Variants in CKAP5 observed in about 807,000 individuals in gnomAD.
CKAP5 encodes cytoskeleton associated protein 5.
Under a neutral mutation model 232.8 loss-of-function variants are expected in CKAP5, and 27 were observed. The observed-to-expected ratio is 0.12, with a 90% CI of 0.09 to 0.16. The LOEUF is 0.16. CKAP5 is among the 10% of genes least tolerant of loss of function. The pLI is 1.00. For missense variants in CKAP5, 1,838 were observed against 2,424.7 expected, an observed-to-expected ratio of 0.76 and a Z score of 5.08; for synonymous variants, 785 against 841.1, an observed-to-expected ratio of 0.93 and a Z score of 1.16.
At chr11:46,840,331 G>A (rs899485828) in intron 1 of CKAP5, among the ~76,000 whole-genome samples, 1 of 152,108 alleles carries the variant, frequency 6.6e-6, no homozygotes, top group African/African-American at 2.4e-5. Context: ...CAGGGCCTTT[G>A]TCTTTTTCTG....
In CKAP5 at chr11:46,770,817, T is replaced by C; in HGVS notation, c.3157A>G (p.Lys1053Glu). The C allele has an allele frequency of 6.2e-7, 1 of 1,614,098 alleles. No homozygotes were observed. Among genetic ancestry groups the C allele is most frequent in the Non-Finnish European group, 8.5e-7 (1 of 1,180,024 alleles). Residue 1053 changes from lysine to glutamate, a missense_variant, in exon 25 of 44, where the codon AAA becomes GAA. Transcript: ENST00000529230. ...PFFMMHLGYE[K>E]MAKATGKLKP... Reference sequence around the variant, plus strand: ...AGTTTCCCAGTAGCCTTGGCCATTTTTTCATATCCTAAATGCATCATGAAG... The same window carrying C: ...AGTTTCCCAGTAGCCTTGGCCATTTCTTCATATCCTAAATGCATCATGAAG...
chr11:46,752,183 TATATATATATACACAC>T (rs1387239274), intron 38 of CKAP5, among the ~76,000 whole-genome samples: 1 of 65,662 alleles, frequency 1.5e-5, no homozygotes, highest in African/African-American at 4.6e-5. Flanking sequence ...TATATATATA[TATATATATATACACAC>T]ACACACACAC....
chr11:46,785,539 G>A (rs1296162076), intron 16 of CKAP5, among the ~76,000 whole-genome samples: 7 of 152,078 alleles, frequency 4.6e-5, no homozygotes, highest in African/African-American at 7.2e-5. Context: ...CATGTTGGCC[G>A]GGCTGGTCTC....
intron 42 of CKAP5, among the ~76,000 whole-genome samples, chr11:46,748,355 A>G (rs1468333982): frequency 6.6e-6 from 1 of 152,206 alleles, no homozygotes; most frequent in Non-Finnish European, 1.5e-5. Context: ...AGTGTGGATG[A>G]ATTCTGCATA....
chr11:46,755,085 A>T lies in CKAP5; in HGVS notation c.4690-18T>A. ...TCATCGATCTGATAACAAAAATTTC[A>T]AGATATATTTTCCAAGCTTCATACT... On this transcript the variant is annotated intron_variant, in intron 35 of 43. Coordinates refer to ENST00000529230, the MANE Select transcript of CKAP5 (RefSeq NM_001008938.4). 1 of 1,580,542 alleles carries T rather than the reference A, an allele frequency of 6.3e-7. No homozygotes were observed. The highest frequency in any genetic ancestry group is 8.6e-7 in the Non-Finnish European group (1 of 1,164,456).
chr11:46,743,317 T>A lies in CKAP5; in HGVS notation c.*706A>T, dbSNP rs754639325. On this transcript the variant is annotated 3_prime_UTR_variant, in exon 44 of 44. Transcript: ENST00000529230. ...ACCAAAATCTCAAAACAAGGAAGGA[T>A]GAGATTTTTCTGCTCCCTAGGAGCT... 3 of 152,120 alleles carry A rather than the reference T, an allele frequency of 2.0e-5. No homozygotes were observed. Among genetic ancestry groups the A allele is most frequent in the Non-Finnish European group, 4.4e-5 (3 of 68,016 alleles). 9.4% of individuals were successfully genotyped at this position (152,120 alleles called of 1,614,324 possible).
intron 24 of CKAP5, among the ~76,000 whole-genome samples, chr11:46,773,231 T>C (rs935333740): frequency 3.3e-5 from 5 of 152,128 alleles, no homozygotes; most frequent in African/African-American, 1.2e-4. Context: ...ATGATTACTC[T>C]GATGGATTTT....
Position 46,816,405 on chromosome 11 carries a change from C to A in CKAP5, c.252-1G>T. The stretch of plus-strand genomic sequence containing the variant: ...ACCTGACACAACTTCTCCTGTGGTT[C>A]TGTAACATATTATAAAGAACAAAAA... On this transcript the variant is annotated splice_acceptor_variant, in intron 3 of 43. Transcript: ENST00000529230. LOFTEE classifies it high-confidence loss of function. 6.2e-7 allele frequency: 1 copy of A among 1,613,058 alleles called. No individual in the cohort carries two copies. Among genetic ancestry groups the A allele is most frequent in the South Asian group, 1.1e-5 (1 of 90,968 alleles).
At position 46,751,253 on chromosome 11, in the gene CKAP5, G is replaced by T. The variant is rs891124851; in HGVS notation, c.5325C>A (p.Ile1775=). ...TGTCGATCATCGTTAGGTGGTCCAG[G>T]ATCTGAGGGAGACACATGCATGACT... ...HTLCKLKGPK[I]LDHLTMIDNK... is the part of the protein sequence containing the mutation. The change falls in exon 40 of 44, where the codon ATC becomes ATA. Residue 1775 remains isoleucine (I), a splice_region_variant and synonymous_variant. Coordinates refer to ENST00000529230, the MANE Select transcript of CKAP5 (RefSeq NM_001008938.4). 9.9e-6 allele frequency: 16 copies of T among 1,614,046 alleles called. No individual in the cohort carries two copies. The African/African-American group carries it at 2.0e-4, about 20-fold the overall frequency.
At chr11:46,781,878 A>C (rs1346860192) in intron 18 of CKAP5, among the ~76,000 whole-genome samples, 1 of 152,032 alleles carries the variant, frequency 6.6e-6, no homozygotes, top group Non-Finnish European at 1.5e-5. Context: ...GAGGCTGGAG[A>C]GCAATGGCAT....
rs748284463 is a variant in CKAP5 at position 46,821,166 on chromosome 11, GA to G, written c.57+8del. The G allele has an allele frequency of 6.2e-7, 1 of 1,604,834 alleles. No individual in the cohort carries two copies. The highest frequency in any genetic ancestry group is 1.7e-4 in the Middle Eastern group (1 of 6,038). ...CGACACTGAAAATCGAATTCCAGAA[GA>G]ATCTTACCTTGTGTTCACATTTCTG... On this transcript the variant is annotated splice_region_variant and intron_variant, in intron 2 of 43. Coordinates refer to ENST00000529230, the MANE Select transcript of CKAP5 (RefSeq NM_001008938.4).
chr11:46,747,999 G>A (rs2065034804), intron 42 of CKAP5, among the ~76,000 whole-genome samples: 2 of 152,242 alleles, frequency 1.3e-5, no homozygotes, highest in South Asian at 4.1e-4. Context: ...AGCCATGATT[G>A]CGCCACTGCA....
chr11:46,789,701 C>T (rs896667533), intron 15 of CKAP5, among the ~76,000 whole-genome samples: 6 of 152,084 alleles, frequency 3.9e-5, no homozygotes, highest in African/African-American at 1.2e-4. Context: ...GAGGCTGAGG[C>T]AGGAGAATGG....
intron 24 of CKAP5, among the ~76,000 whole-genome samples, chr11:46,775,733 A>G (rs1016949628): frequency 2.6e-5 from 4 of 152,146 alleles, no homozygotes; most frequent in African/African-American, 9.7e-5. Flanking sequence ...CAGAACACCA[A>G]ACACCGCAAT....
At chr11:46,757,864 G>A (rs979638965) in intron 35 of CKAP5, among the ~76,000 whole-genome samples, 9 of 149,822 alleles carry the variant, frequency 6.0e-5, no homozygotes, top group Non-Finnish European at 1.3e-4. Flanking sequence ...GGGATTACAG[G>A]TGTGAGCCAC....
intron 8 of CKAP5, among the ~76,000 whole-genome samples, chr11:46,802,620 C>T (rs953527725): frequency 6.6e-6 from 1 of 151,984 alleles, no homozygotes; most frequent in Non-Finnish European, 1.5e-5. Context: ...CACACACACA[C>T]GGCTGCTTTA....
chr11:46,807,779 C>T (rs1358479417), intron 8 of CKAP5, among the ~76,000 whole-genome samples: 2 of 152,168 alleles, frequency 1.3e-5, no homozygotes, highest in African/African-American at 4.8e-5. Context: ...CAGCAACTCT[C>T]TTTTCCTAGA....
intron 1 of CKAP5, among the ~76,000 whole-genome samples, chr11:46,829,680 T>G (rs993736919): frequency 6.6e-6 from 1 of 152,164 alleles, no homozygotes; most frequent in Non-Finnish European, 1.5e-5. Context: ...TTAGTAAAGT[T>G]TTGGGGGTGT....
intron 35 of CKAP5, among the ~76,000 whole-genome samples, chr11:46,755,601 C>G (rs2134579600): frequency 6.6e-6 from 1 of 151,900 alleles, no homozygotes; most frequent in South Asian, 2.1e-4. Flanking sequence ...AGGTTCGATT[C>G]TAAGAGGCTC....
Sources: gnomAD v4.1 joint callset for allele counts (sites outside exome capture counted in the v4.1 genomes callset) on GRCh38, gnomAD v4.1.1 for gene constraint, MANE v1.5 for transcripts, NCBI Gene and HGNC (gene_info 2026-07-23, HGNC 2026-07-21) for gene names.